FAM83B: variants seen among roughly 807,000 people sequenced by gnomAD.
FAM83B encodes protein FAM83B.
Under a neutral mutation model 38.8 loss-of-function variants are expected in FAM83B, and 26 were observed. That is an observed-to-expected ratio of 0.67 (90% CI 0.49 to 0.93). The LOEUF (loss-of-function observed/expected upper bound fraction) is 0.93. Ranked by LOEUF, FAM83B falls within the 40% of genes least tolerant of loss-of-function variation. The probability of loss-of-function intolerance (pLI) is 0.00; values close to 1 mark genes in which losing one functional copy is unlikely to be tolerated. For missense variants in FAM83B, 1,237 were observed against 1,197.3 expected (o/e 1.03, Z -0.49); for synonymous variants, 419 against 423.1 (o/e 0.99, Z 0.12).
In FAM83B at chr6:54,848,164, C is replaced by T. The variant is rs573489306; in HGVS notation, c.-61+1338C>T. On this transcript the variant is annotated intron_variant, in intron 1 of 4. Coordinates refer to ENST00000306858, the MANE Select transcript of FAM83B (RefSeq NM_001010872.3). ...ATTGGAGAATGAGAATAATGTGAAA[C>T]AGAATGATGGAAGGTTGGGAGTGCA... 3.0e-3 allele frequency among the ~76,000 whole-genome samples: 458 copies of T among 152,196 alleles called. 1 individual carries two copies. The highest frequency in any genetic ancestry group is 0.01 in the African/African-American group (435 of 41,510).
At chr6:54,888,833 G>T (rs1399345677) in intron 2 of FAM83B, among the ~76,000 whole-genome samples, 1 of 151,540 alleles carries the variant, frequency 6.6e-6, no homozygotes, top group Non-Finnish European at 1.5e-5. Flanking sequence ...CTCAAATATT[G>T]CTTCTACCTT....
intron 2 of FAM83B, among the ~76,000 whole-genome samples, chr6:54,911,501 T>C (rs1772908414): frequency 6.6e-6 from 1 of 152,146 alleles, no homozygotes; most frequent in Non-Finnish European, 1.5e-5. Context: ...TCACAAATTA[T>C]AAATTCAGAA....
intron 2 of FAM83B, among the ~76,000 whole-genome samples, chr6:54,886,771 A>T (rs1772286065): frequency 1.3e-5 from 2 of 150,630 alleles, no homozygotes; most frequent in African/African-American, 2.4e-5. Flanking sequence ...ACGTTGTATT[A>T]TTTTTCCAGG....
At chr6:54,937,802 A>T (rs1428167263) in intron 4 of FAM83B, among the ~76,000 whole-genome samples, 1 of 152,124 alleles carries the variant, frequency 6.6e-6, no homozygotes, top group African/African-American at 2.4e-5. Context: ...TATAAAATAT[A>T]ATATCAGTTT....
At chr6:54,917,357 G>T (rs1173056771) in intron 2 of FAM83B, among the ~76,000 whole-genome samples, 2 of 152,110 alleles carry the variant, frequency 1.3e-5, no homozygotes, top group Non-Finnish European at 2.9e-5. Context: ...ATATGTTTTA[G>T]TCTAACCCAG....
intron 2 of FAM83B, among the ~76,000 whole-genome samples, chr6:54,875,539 T>C (rs548803334): frequency 6.6e-5 from 10 of 152,194 alleles, no homozygotes; most frequent in Non-Finnish European, 1.3e-4. Context: ...CCTGGGACAT[T>C]AAGTTGAACA....
chr6:54,868,141 A>G (rs2127574659), intron 1 of FAM83B, among the ~76,000 whole-genome samples: 1 of 152,304 alleles, frequency 6.6e-6, no homozygotes, highest in South Asian at 2.1e-4. Flanking sequence ...ATGAGTGTTG[A>G]AAGTTATTAA....
chr6:54,940,704 A>T lies in FAM83B; in HGVS notation c.1733A>T (p.Lys578Ile). 1 of 1,614,002 alleles carries T rather than the reference A, an allele frequency of 6.2e-7. No individual in the cohort carries two copies. Among genetic ancestry groups the T allele is most frequent in the Non-Finnish European group, 8.5e-7 (1 of 1,179,994 alleles). ...IIGSQGSETPKEVPDTPTNVQ... is the reference protein window; with the variant it reads ...IIGSQGSETPIEVPDTPTNVQ... Reference sequence around the variant, plus strand: ...GGTTCTCAGGGAAGTGAGACACCTAAAGAGGTCCCAGACACCCCTACGAAT... The same window carrying T: ...GGTTCTCAGGGAAGTGAGACACCTATAGAGGTCCCAGACACCCCTACGAAT... Residue 578 changes from lysine to isoleucine, a missense_variant, in exon 5 of 5, where the codon AAA (lysine) becomes ATA (isoleucine). By Grantham distance (102) the Lys-to-Ile change is moderately radical. Coordinates refer to ENST00000306858, the MANE Select transcript of FAM83B (RefSeq NM_001010872.3).
In FAM83B at chr6:54,888,017, GT is replaced by G. The variant is rs60392038; in HGVS notation, c.444+17340del. Among the ~76,000 whole-genome samples the G allele has an allele frequency of 9.1e-3, 1,137 of 125,264 alleles. 15 individuals carry two copies. The highest frequency in any genetic ancestry group is 0.028 in the African/African-American group (950 of 34,080). The allele number at this position is 125,264 out of a possible 152,430, so 82.2% of individuals were successfully genotyped here. A position where few individuals can be genotyped will look rare whatever the true frequency, so the allele number is the denominator to read the frequency against. On this transcript the variant is annotated intron_variant, in intron 2 of 4. Coordinates refer to ENST00000306858, the MANE Select transcript of FAM83B (RefSeq NM_001010872.3). Reference sequence around the variant, plus strand: ...CCATCTGTTCTTTATTCCTTTTTTTGTTTTTTTTTTTTTCTGTAGGATCATT... The same window carrying G: ...CCATCTGTTCTTTATTCCTTTTTTTGTTTTTTTTTTTTCTGTAGGATCATT...
chr6:54,899,700 C>G (rs944621921), intron 2 of FAM83B, among the ~76,000 whole-genome samples: 1 of 152,090 alleles, frequency 6.6e-6, no homozygotes, highest in Non-Finnish European at 1.5e-5. Context: ...GGCACTGATT[C>G]CATTCATGAG....
intron 1 of FAM83B, among the ~76,000 whole-genome samples, chr6:54,849,140 A>T (rs1295198188): frequency 1.3e-5 from 2 of 152,246 alleles, no homozygotes; most frequent in Admixed American, 1.3e-4. Context: ...AATGATGGTT[A>T]TTCACAGCCC....
intron 2 of FAM83B, among the ~76,000 whole-genome samples, chr6:54,874,513 A>G (rs1771943852): frequency 6.6e-6 from 1 of 152,174 alleles, no homozygotes; most frequent in African/African-American, 2.4e-5. Flanking sequence ...TTGTCTGTCA[A>G]GAAGTGTTCC....
At chr6:54,882,578 G>C (rs1470807054) in intron 2 of FAM83B, among the ~76,000 whole-genome samples, 1 of 152,108 alleles carries the variant, frequency 6.6e-6, no homozygotes, top group Non-Finnish European at 1.5e-5. Context: ...ATGCAAACCA[G>C]CTGAACATTC....
At chr6:54,847,448 G>A (rs1400362929) in intron 1 of FAM83B, among the ~76,000 whole-genome samples, 1 of 152,104 alleles carries the variant, frequency 6.6e-6, no homozygotes, top group East Asian at 1.9e-4. Flanking sequence ...TCATACTTGG[G>A]TCGGCCTGAG....
At chr6:54,934,467 G>T (rs74482263) in intron 4 of FAM83B, among the ~76,000 whole-genome samples, 6,331 of 152,136 alleles carry the variant, frequency 0.042, 148 homozygotes, top group Non-Finnish European at 0.045. Flanking sequence ...CACTTATCTG[G>T]GGTTTTTCAA....
At chr6:54,933,726 T>C (rs1182903020) in intron 4 of FAM83B, among the ~76,000 whole-genome samples, 2 of 152,164 alleles carry the variant, frequency 1.3e-5, no homozygotes, top group Non-Finnish European at 2.9e-5. Context: ...TGTCTGCCCA[T>C]GGAACTGCAG....
intron 4 of FAM83B, among the ~76,000 whole-genome samples, chr6:54,935,884 T>C (rs1018900635): frequency 2.3e-4 from 35 of 152,042 alleles, no homozygotes; most frequent in African/African-American, 8.2e-4. Context: ...CTTGATCACC[T>C]GAAAGATGGC....
chr6:54,930,831 A>T (rs1773404095), intron 4 of FAM83B, among the ~76,000 whole-genome samples: 1 of 152,230 alleles, frequency 6.6e-6, no homozygotes, highest in South Asian at 2.1e-4. Context: ...ATAAAAATAC[A>T]TGTACATATG....
At chr6:54,850,369 T>C in intron 1 of FAM83B, among the ~76,000 whole-genome samples, 1 of 152,218 alleles carries the variant, frequency 6.6e-6, no homozygotes, top group Middle Eastern at 3.2e-3. Flanking sequence ...TTCTCTGTGA[T>C]CACTTCTTAT....
Sources: allele counts gnomAD v4.1 joint callset (sites outside exome capture counted in the v4.1 genomes callset), GRCh38; gene constraint gnomAD v4.1.1; transcripts MANE v1.5; gene names NCBI Gene and HGNC (gene_info 2026-07-23, HGNC 2026-07-21).